The following NSFL1C variants were observed in gnomAD, a reference collection of about 807,000 sequenced individuals.
NSFL1C encodes the protein NSFL1 cofactor p47.
Under a neutral mutation model 43.1 loss-of-function variants are expected in NSFL1C, and 14 were observed. The observed-to-expected ratio is 0.32, with a 90% CI of 0.21 to 0.51. The LOEUF (loss-of-function observed/expected upper bound fraction) is 0.51, where lower values mean the gene tolerates loss of function less well. Ranked by LOEUF, NSFL1C falls within the 20% of genes least tolerant of loss-of-function variation. The pLI is 0.98. For missense variants in NSFL1C, 406 were observed against 472.5 expected (o/e 0.86, Z 1.30); for synonymous variants, 171 against 183.5 (o/e 0.93, Z 0.55).
chr20:1,466,572 G>C, intron 1 of NSFL1C, 148 bp downstream of exon 1: 1 of 688,178 alleles, frequency 1.5e-6, no homozygotes, highest in Non-Finnish European at 2.3e-6. Context: ...GGCGACGCGT[G>C]ACAAGCGGTC....
intron 1 of NSFL1C, among the ~76,000 whole-genome samples, chr20:1,465,591 G>A (rs768111732): frequency 6.6e-6 from 1 of 152,200 alleles, no homozygotes; most frequent in African/African-American, 2.4e-5. Context: ...AGTAATTTAC[G>A]TTTGGCAGCA....
intron 2 of NSFL1C, chr20:1,464,111 T>A (rs145547350): frequency 1.2e-4 from 58 of 472,010 alleles, no homozygotes; most frequent in African/African-American, 1.1e-3. Flanking sequence ...GGTTTGTGGT[T>A]TCCCCCAGGA....
At chr20:1,452,807 A>C (rs1430927228) in intron 6 of NSFL1C, among the ~76,000 whole-genome samples, 177 bp from the exon 7 acceptor site, 2 of 152,236 alleles carry the variant, frequency 1.3e-5, no homozygotes, top group African/African-American at 4.8e-5. Flanking sequence ...TTGTTCAGCC[A>C]TGGCCGACAC....
chr20:1,459,625 T>C (rs1490218867), intron 2 of NSFL1C, among the ~76,000 whole-genome samples: 2 of 152,174 alleles, frequency 1.3e-5, no homozygotes, highest in Non-Finnish European at 2.9e-5. Flanking sequence ...CAGAAGAGTT[T>C]TGAGGATCCA....
chr20:1,465,519 G>A (rs573491730), intron 1 of NSFL1C, among the ~76,000 whole-genome samples: 117 of 152,294 alleles, frequency 7.7e-4, no homozygotes, highest in Non-Finnish European at 1.5e-3. Context: ...CAGCATAGGG[G>A]CTTCCCATTG....
intron 2 of NSFL1C, among the ~76,000 whole-genome samples, chr20:1,461,924 T>C (rs764806291): frequency 6.6e-6 from 1 of 152,180 alleles, no homozygotes; most frequent in Non-Finnish European, 1.5e-5. Flanking sequence ...CCTATAGCAA[T>C]GGTTAACATT....
chr20:1,466,686 G>C, intron 1 of NSFL1C, 34 bp downstream of exon 1: 2 of 1,523,518 alleles, frequency 1.3e-6, no homozygotes, highest in Non-Finnish European at 1.8e-6. Flanking sequence ...AGCAGTCCCC[G>C]GCCCACCCGA....
intron 2 of NSFL1C, among the ~76,000 whole-genome samples, chr20:1,460,476 T>C (rs1263117856): frequency 2.0e-5 from 3 of 152,198 alleles, no homozygotes; most frequent in Non-Finnish European, 4.4e-5. Flanking sequence ...CTAGGGATAT[T>C]AGCAATTGCA....
rs769207132 is a variant in NSFL1C at position 1,443,762 on chromosome 20, T to A, written c.1100A>T (p.Gln367Leu). 8 of 1,614,078 alleles carry A rather than the reference T, an allele frequency of 5.0e-6. No individual in the cohort carries two copies. The East Asian group carries it at 1.8e-4, about 36-fold the overall frequency. ...EANLLNAVIV[Q>L]RLT ...CTGGCTGGGCGGTTATGTTAACCGC[T>A]GCACGATGACAGCATTGAGCAGGTT... The change falls in exon 9 of 9, where the codon CAG becomes CTG. Residue 367 changes from glutamine (Q) to leucine (L), a missense_variant. Around this residue, in one of 3 missense-constraint regions of NSFL1C, gnomAD observed 196 missense variants for 228.0 expected, o/e 0.86. Transcript: ENST00000216879.
chr20:1,454,157 AG>A lies in NSFL1C; in HGVS notation c.537+55del, dbSNP rs879039089. ...TGCACAATATGTAACCAATCCCTTC[AG>A]AAAAATGGCAGAACAGTCCACAAGC... is the stretch of plus-strand genomic sequence containing the variant. On this transcript the variant is annotated intron_variant, in intron 5 of 8. Transcript: ENST00000216879. 5.1e-5 allele frequency: 71 copies of A among 1,397,182 alleles called. 2 individuals carry two copies. In the South Asian group the frequency reaches 7.7e-4, roughly 15 times the overall value. The allele number at this position is 1,397,182 out of a possible 1,614,324, so 86.5% of individuals were successfully genotyped here.
intron 3 of NSFL1C, chr20:1,455,782 T>C (rs1025093191): frequency 2.6e-6 from 2 of 778,002 alleles, no homozygotes; most frequent in Admixed American, 1.7e-5. Context: ...CACAGAGTAA[T>C]GCACACAGGT....
chr20:1,460,196 G>A (rs144142173), intron 2 of NSFL1C, among the ~76,000 whole-genome samples: 3 of 152,310 alleles, frequency 2.0e-5, no homozygotes, highest in Non-Finnish European at 4.4e-5. Context: ...CTGATGCACG[G>A]AAAGTCTTTT....
At chr20:1,458,627 AGTACAGACAGC>A (rs1487371702) in intron 2 of NSFL1C, among the ~76,000 whole-genome samples, 4 of 152,028 alleles carry the variant, frequency 2.6e-5, no homozygotes, top group African/African-American at 9.7e-5. Flanking sequence ...AGACTTAAGT[AGTACAGACAGC>A]GGGGAGTAAC....
chr20:1,449,423 C>A (rs2090138631), intron 7 of NSFL1C, among the ~76,000 whole-genome samples: 1 of 152,294 alleles, frequency 6.6e-6, no homozygotes, highest in East Asian at 1.9e-4. Context: ...AACCTGAAGA[C>A]CAGGCCTCCT....
At chr20:1,446,718 G>A (rs544238064) in intron 7 of NSFL1C, among the ~76,000 whole-genome samples, 3 of 150,446 alleles carry the variant, frequency 2.0e-5, no homozygotes, top group South Asian at 4.2e-4. Context: ...GTATGGAGCC[G>A]CCTTCTCTCC....
chr20:1,460,204 T>A (rs1568627827), intron 2 of NSFL1C, among the ~76,000 whole-genome samples: 1 of 152,154 alleles, frequency 6.6e-6, no homozygotes. Context: ...CGGAAAGTCT[T>A]TTGCATGGTG....
intron 1 of NSFL1C, among the ~76,000 whole-genome samples, chr20:1,464,711 C>A (rs1238232244): frequency 6.6e-6 from 1 of 152,224 alleles, no homozygotes; most frequent in Non-Finnish European, 1.5e-5. Context: ...AAAAGTAGCA[C>A]ACATTTAGTG....
chr20:1,452,384 A>G, intron 7 of NSFL1C, 109 bp downstream of exon 7: 1 of 1,399,694 alleles, frequency 7.1e-7, no homozygotes, highest in Non-Finnish European at 9.7e-7. Context: ...AATTTGAAGT[A>G]TTTTGTAAAC....
rs766658876 is a variant in NSFL1C at position 1,466,833 on chromosome 20, C to A, written c.-9G>T. On this transcript the variant is annotated 5_prime_UTR_variant, in exon 1 of 9. Transcript: ENST00000216879. ...TGTCGCTCCGCCGCCATCTTCGCCC[C>A]GTGCGCCTTCCAAAGCGCTCCGGCG... The A allele has an allele frequency of 1.7e-5, 26 of 1,528,112 alleles. No individual in the cohort carries two copies. In the Middle Eastern group the frequency reaches 1.0e-3, roughly 60 times the overall value. 94.7% of individuals were successfully genotyped at this position (1,528,112 alleles called of 1,614,324 possible).
Sources: allele counts gnomAD v4.1 joint callset (sites outside exome capture counted in the v4.1 genomes callset), GRCh38; gene constraint gnomAD v4.1.1; regional missense constraint gnomAD v4.1.1; transcripts MANE v1.5; gene names NCBI Gene and HGNC (gene_info 2026-07-23, HGNC 2026-07-21).